The following NTNG1 variants were observed in gnomAD, a reference collection of about 807,000 sequenced individuals.
The protein encoded by NTNG1 is netrin G1.
A neutral mutation model predicts 54.0 loss-of-function variants in NTNG1; 16 were observed. The ratio of observed to expected loss-of-function variants is 0.30; its 90% CI spans 0.20 to 0.45. The LOEUF (loss-of-function observed/expected upper bound fraction) is 0.45, where lower values mean the gene tolerates loss of function less well. Among genes scored for constraint, NTNG1 ranks in the 20% least tolerant of loss-of-function variants. The pLI, the probability that NTNG1 is intolerant of heterozygous loss-of-function variation, is 1.00. For synonymous variants in NTNG1, 255 were observed against 263.1 expected (o/e 0.97, Z 0.30); for missense variants, 530 against 678.7 (o/e 0.78, Z 2.43).
At chr1:107,367,230 C>T (rs1179566138) in intron 3 of NTNG1, among the ~76,000 whole-genome samples, 2 of 152,078 alleles carry the variant, frequency 1.3e-5, no homozygotes, top group East Asian at 3.8e-4. Context: ...AAACCCATGC[C>T]TGCCCCAAAG....
At chr1:107,456,160 T>C (rs1318585065) in intron 7 of NTNG1, among the ~76,000 whole-genome samples, 3 of 152,142 alleles carry the variant, frequency 2.0e-5, no homozygotes, top group Non-Finnish European at 4.4e-5. Context: ...GAAGGAGCAG[T>C]GAAAAGCATC....
chr1:107,204,650 GA>G (rs1466152795), intron 2 of NTNG1, among the ~76,000 whole-genome samples: 2 of 152,106 alleles, frequency 1.3e-5, no homozygotes, highest in Non-Finnish European at 2.9e-5. Flanking sequence ...GAAACCTGTT[GA>G]AATTCCTGAT....
chr1:107,183,557 C>G (rs1657227198), intron 2 of NTNG1, among the ~76,000 whole-genome samples: 1 of 151,990 alleles, frequency 6.6e-6, no homozygotes, highest in South Asian at 2.1e-4. Flanking sequence ...AAATGAGGGG[C>G]AGCTTATATT....
intron 2 of NTNG1, among the ~76,000 whole-genome samples, chr1:107,220,393 T>G (rs1363226160): frequency 6.6e-6 from 1 of 152,248 alleles, no homozygotes; most frequent in Non-Finnish European, 1.5e-5. Context: ...AAGTTCATGA[T>G]GTGGGTTTCC....
intron 3 of NTNG1, among the ~76,000 whole-genome samples, chr1:107,370,996 G>A (rs1048130228): frequency 5.3e-5 from 8 of 152,062 alleles, no homozygotes; most frequent in Admixed American, 3.3e-4. Flanking sequence ...AATTCTTTCA[G>A]TTTTTTACAC....
At chr1:107,238,826 G>T (rs1418862416) in intron 2 of NTNG1, among the ~76,000 whole-genome samples, 1 of 151,516 alleles carries the variant, frequency 6.6e-6, no homozygotes, top group Non-Finnish European at 1.5e-5. Flanking sequence ...CCACTCTCGG[G>T]TATGTCTTTA....
At chr1:107,371,142 C>T (rs181990997) in intron 3 of NTNG1, among the ~76,000 whole-genome samples, 220 of 152,064 alleles carry the variant, frequency 1.4e-3, no homozygotes, top group African/African-American at 5.2e-3. Context: ...TCCTTCCATG[C>T]CTAGTTTCCT....
intron 3 of NTNG1, among the ~76,000 whole-genome samples, chr1:107,338,668 G>A (rs1368465288): frequency 6.6e-6 from 1 of 151,814 alleles, no homozygotes; most frequent in Non-Finnish European, 1.5e-5. Context: ...TTCTTCTTCT[G>A]GTAGTAGCCA....
chr1:107,420,727 C>T (rs146348383), intron 5 of NTNG1, among the ~76,000 whole-genome samples: 108 of 151,710 alleles, frequency 7.1e-4, no homozygotes, highest in African/African-American at 2.3e-3. Flanking sequence ...CATGGTGAAC[C>T]CAGGCAATGA....
intron 5 of NTNG1, among the ~76,000 whole-genome samples, chr1:107,423,881 A>G (rs1304209966): frequency 6.6e-6 from 1 of 152,094 alleles, no homozygotes; most frequent in East Asian, 1.9e-4. Flanking sequence ...ATGAATTTAA[A>G]CATAACTTTT....
At chr1:107,186,205 C>G (rs1657447958) in intron 2 of NTNG1, among the ~76,000 whole-genome samples, 1 of 152,096 alleles carries the variant, frequency 6.6e-6, no homozygotes, top group South Asian at 2.1e-4. Context: ...TTCATATGGA[C>G]TTTACCTTCA....
intron 3 of NTNG1, among the ~76,000 whole-genome samples, chr1:107,355,238 T>C (rs1447816663): frequency 1.3e-5 from 2 of 151,988 alleles, no homozygotes; most frequent in Non-Finnish European, 2.9e-5. Context: ...CTTTTCAAAG[T>C]CTTTACAGGT....
intron 7 of NTNG1, among the ~76,000 whole-genome samples, chr1:107,467,317 A>C (rs1348583168): frequency 6.6e-6 from 1 of 152,242 alleles, no homozygotes; most frequent in Non-Finnish European, 1.5e-5. Context: ...ACTAGAAGAC[A>C]CAGGAGTATG....
At chr1:107,286,063 T>G (rs2101745238) in intron 2 of NTNG1, among the ~76,000 whole-genome samples, 1 of 152,298 alleles carries the variant, frequency 6.6e-6, no homozygotes, top group South Asian at 2.1e-4. Context: ...CTGAAGATGT[T>G]TGCTACAAAT....
chr1:107,280,312 A>C (rs548690097), intron 2 of NTNG1, among the ~76,000 whole-genome samples: 1 of 151,100 alleles, frequency 6.6e-6, no homozygotes, highest in East Asian at 1.9e-4. Context: ...CAACTCTACT[A>C]GATGTTCTTT....
chr1:107,434,518 A>G (rs938979678), intron 6 of NTNG1, among the ~76,000 whole-genome samples: 6 of 152,206 alleles, frequency 3.9e-5, no homozygotes, highest in Non-Finnish European at 7.4e-5. Context: ...CACTGTTAAT[A>G]ATCCAGCTGA....
rs1008291181 is a variant in NTNG1, at chr1:107,242,488, A to G, written c.247-81794A>G. On this transcript the variant is annotated intron_variant, in intron 2 of 7. Coordinates refer to ENST00000370068, the MANE Select transcript of NTNG1 (RefSeq NM_001113226.3). The stretch of plus-strand genomic sequence containing the variant: ...CAACCACATAGTTGTATTAAATAGT[A>G]TAACAATTGCAGATTAGCCTCTGAG... 2.0e-5 allele frequency among the ~76,000 whole-genome samples: 3 copies of G among 152,290 alleles called. No homozygotes were observed. The East Asian group carries it at 5.8e-4, about 29-fold the overall frequency.
chr1:107,190,462 A>G (rs1417058519), intron 2 of NTNG1, among the ~76,000 whole-genome samples: 2 of 152,124 alleles, frequency 1.3e-5, no homozygotes, highest in African/African-American at 4.8e-5. Flanking sequence ...GTTTTAGGGT[A>G]CATGTGCACA....
Position 107,237,988 on chromosome 1 carries a change from G to A in NTNG1, c.247-86294G>A, listed in dbSNP as rs185033874. Among the ~76,000 whole-genome samples the A allele has an allele frequency of 1.1e-3, 164 of 152,204 alleles. 2 individuals carry two copies. The highest frequency in any genetic ancestry group is 3.1e-3 in the African/African-American group (129 of 41,534). On this transcript the variant is annotated intron_variant, in intron 2 of 7. Transcript: ENST00000370068. Reference sequence around the variant, plus strand: ...GTGGAGCTGTGAGAAGAGGGCCACCGTCCTCCAGATCCCAGAATGGTAGAC... The same window carrying A: ...GTGGAGCTGTGAGAAGAGGGCCACCATCCTCCAGATCCCAGAATGGTAGAC...
Sources: gnomAD v4.1 joint callset for allele counts (sites outside exome capture counted in the v4.1 genomes callset) on GRCh38, gnomAD v4.1.1 for gene constraint, MANE v1.5 for transcripts, NCBI Gene and HGNC (gene_info 2026-07-23, HGNC 2026-07-21) for gene names.